TARS3: variants seen among roughly 807,000 people sequenced by gnomAD.
TARS3 encodes threonyl-tRNA synthetase 3, also known as threonine--tRNA ligase 2, cytoplasmic.
In TARS3, 94 loss-of-function variants were observed where a neutral mutation model predicts 103.5. That is an observed-to-expected ratio of 0.91 (90% CI 0.77 to 1.08). The LOEUF (loss-of-function observed/expected upper bound fraction) is 1.08, where lower values mean the gene tolerates loss of function less well. Among genes scored for constraint, TARS3 ranks in the 50% least tolerant of loss-of-function variants. The probability of loss-of-function intolerance (pLI) is 0.00; values close to 1 mark genes in which losing one functional copy is unlikely to be tolerated. For missense variants in TARS3, 952 were observed against 995.2 expected, an observed-to-expected ratio of 0.96 and a Z score of 0.58; for synonymous variants, 416 against 355.4, an observed-to-expected ratio of 1.17 and a Z score of -1.92.
intron 7 of TARS3, among the ~76,000 whole-genome samples, chr15:101,704,985 T>C (rs527566922): frequency 6.6e-6 from 1 of 152,290 alleles, no homozygotes; most frequent in South Asian, 2.1e-4. Flanking sequence ...AGAATATCTG[T>C]GGTTATAATT....
chr15:101,670,314 C>T (rs1005486332), intron 15 of TARS3, among the ~76,000 whole-genome samples: 20 of 152,076 alleles, frequency 1.3e-4, no homozygotes, highest in Non-Finnish European at 2.2e-4. Context: ...ATTCTCAAAA[C>T]TCAACAGTAA....
chr15:101,712,315 C>T (rs1019763946), intron 4 of TARS3, among the ~76,000 whole-genome samples: 1 of 152,152 alleles, frequency 6.6e-6, no homozygotes, highest in Non-Finnish European at 1.5e-5. Context: ...CTCAGAACAG[C>T]CAGCAGAGCA....
Position 101,661,702 on chromosome 15 carries a change from T to C in TARS3, c.2072+10A>G, listed in dbSNP as rs1290709170. ...ATAGACATATAGTTTTTCTTTTCCATATCACTTACCATTTTCCGCCATAGT... is the reference window on the plus strand; with the variant it reads ...ATAGACATATAGTTTTTCTTTTCCACATCACTTACCATTTTCCGCCATAGT... On this transcript the variant is annotated intron_variant, in intron 16 of 18. Coordinates refer to ENST00000335968, the MANE Select transcript of TARS3 (RefSeq NM_152334.3). 4 of 1,539,852 alleles carry C rather than the reference T, an allele frequency of 2.6e-6. No homozygotes were observed. Among genetic ancestry groups the C allele is most frequent in the Admixed American group, 3.5e-5 (2 of 57,954 alleles).
chr15:101,679,903 G>GC (rs1033575039), intron 12 of TARS3, among the ~76,000 whole-genome samples: 1 of 152,174 alleles, frequency 6.6e-6, no homozygotes, highest in African/African-American at 2.4e-5. Flanking sequence ...AGGTGTTCTA[G>GC]CCCCCCTCCA....
At chr15:101,712,143 C>A (rs905131222) in intron 4 of TARS3, 142 bp from the exon 5 acceptor site, 24 of 853,726 alleles carry the variant, frequency 2.8e-5, no homozygotes, top group Non-Finnish European at 3.9e-5. Context: ...AAAGGAAAAT[C>A]TTCGATGCCC....
chr15:101,703,564 T>C lies in TARS3; in HGVS notation c.1074+295A>G, dbSNP rs564286060. Reference sequence around the variant, plus strand: ...AAGATCACACCACTGCACTCCAGCCTGGACAACAGAGCAAGACTCTGTCTC... The same window carrying C: ...AAGATCACACCACTGCACTCCAGCCCGGACAACAGAGCAAGACTCTGTCTC... On this transcript the variant is annotated intron_variant, in intron 8 of 18. Transcript: ENST00000335968. 9.2e-5 allele frequency among the ~76,000 whole-genome samples: 14 copies of C among 152,044 alleles called. No individual in the cohort carries two copies. In the South Asian group the frequency reaches 2.9e-3, roughly 32 times the overall value.
chr15:101,676,022 G>T (rs558788285), intron 12 of TARS3, among the ~76,000 whole-genome samples: 3 of 152,334 alleles, frequency 2.0e-5, no homozygotes, highest in African/African-American at 4.8e-5. Flanking sequence ...AGACTGAGCT[G>T]CAGCAGGGGA....
intron 18 of TARS3, among the ~76,000 whole-genome samples, chr15:101,655,114 C>T (rs1897150962): frequency 6.7e-6 from 1 of 149,946 alleles, no homozygotes; most frequent in Non-Finnish European, 1.5e-5. Context: ...ACACTGACCC[C>T]ACCTGGCACT....
intron 13 of TARS3, among the ~76,000 whole-genome samples, chr15:101,673,579 A>G (rs1231937412): frequency 6.6e-6 from 1 of 152,200 alleles, no homozygotes; most frequent in Non-Finnish European, 1.5e-5. Context: ...ACTCATGGAG[A>G]TAAAGTACTT....
intron 18 of TARS3, among the ~76,000 whole-genome samples, chr15:101,655,032 A>C (rs897818401): frequency 6.6e-6 from 1 of 151,492 alleles, no homozygotes; most frequent in Admixed American, 6.6e-5. Context: ...GAGAGCGGGG[A>C]GCTCTTACAG....
At position 101,713,440 on chromosome 15, in the gene TARS3, T is replaced by A. The variant is rs939002224; in HGVS notation, c.690+1400A>T. Reference sequence around the variant, plus strand: ...ATTTACATTTACACACATCATTTGATAGCTCGATGGGAATGAATTTCAGGG... The same window carrying A: ...ATTTACATTTACACACATCATTTGAAAGCTCGATGGGAATGAATTTCAGGG... On this transcript the variant is annotated intron_variant, in intron 4 of 18. Coordinates refer to ENST00000335968, the MANE Select transcript of TARS3 (RefSeq NM_152334.3). Among the ~76,000 whole-genome samples the A allele has an allele frequency of 3.9e-5, 6 of 152,230 alleles. No homozygotes were observed. The South Asian group carries it at 1.2e-3, about 32-fold the overall frequency.
At chr15:101,690,260 T>G (rs1013099896) in intron 10 of TARS3, among the ~76,000 whole-genome samples, 1 of 152,262 alleles carries the variant, frequency 6.6e-6, no homozygotes, top group Non-Finnish European at 1.5e-5. Context: ...CAAAGCTGAC[T>G]TCTGTGGGCT....
chr15:101,722,301 A>G (rs1478079328), intron 2 of TARS3, among the ~76,000 whole-genome samples: 1 of 150,708 alleles, frequency 6.6e-6, no homozygotes, highest in Non-Finnish European at 1.5e-5. Flanking sequence ...GAACGTGTAC[A>G]GAGTCACACA....
At chr15:101,692,338 C>G in intron 10 of TARS3, among the ~76,000 whole-genome samples, 1 of 104,784 alleles carries the variant, frequency 9.5e-6, no homozygotes, top group Non-Finnish European at 2.0e-5. Flanking sequence ...CGGCTCCAAG[C>G]TCTCTGTGGG....
At chr15:101,666,707 C>T (rs558592065) in intron 15 of TARS3, among the ~76,000 whole-genome samples, 9 of 152,050 alleles carry the variant, frequency 5.9e-5, no homozygotes, top group Non-Finnish European at 8.8e-5. Flanking sequence ...CATCTTCAAC[C>T]GACCTGCTTT....
rs1313994047 is a variant in TARS3 at position 101,724,366 on chromosome 15, C to T, written c.22G>A (p.Ala8Thr). Residue 8 changes from alanine (A) to threonine (T), a missense_variant, in exon 1 of 19, where the codon GCG becomes ACG. Ala to Thr is a moderately conservative substitution (Grantham distance 58). Around this residue, in one of 2 missense-constraint regions of TARS3, gnomAD observed 412 missense variants for 364.2 expected, o/e 1.13. Transcript: ENST00000335968. MAAEALA[A>T]EAVASRLERQ... is the part of the protein sequence containing the mutation. Reference sequence around the variant, plus strand: ...TCCAGGCGCGACGCCACGGCCTCCGCCGCCAGGGCCTCGGCCGCCATCGCG... The same window carrying T: ...TCCAGGCGCGACGCCACGGCCTCCGTCGCCAGGGCCTCGGCCGCCATCGCG... 2 of 1,532,474 alleles carry T rather than the reference C, an allele frequency of 1.3e-6. No individual in the cohort carries two copies. The highest frequency in any genetic ancestry group is 5.2e-5 in the East Asian group (2 of 38,270). 94.9% of individuals were successfully genotyped at this position (1,532,474 alleles called of 1,614,324 possible).
chr15:101,675,773 A>G, intron 12 of TARS3, 36 bp from the exon 13 acceptor site: 1 of 1,579,792 alleles, frequency 6.3e-7, no homozygotes, highest in Non-Finnish European at 8.6e-7. Context: ...CAAATAGAAC[A>G]TCAAATTCAT....
In TARS3 at chr15:101,701,143, G is replaced by A. The variant is rs780085603; in HGVS notation, c.1263C>T (p.Ser421=). The A allele has an allele frequency of 1.3e-6, 2 of 1,598,670 alleles. No homozygotes were observed. Among genetic ancestry groups the A allele is most frequent in the South Asian group, 1.2e-5 (1 of 86,748 alleles). The change falls in exon 10 of 19, where the codon AGC becomes AGT. Residue 421 remains serine, a synonymous_variant. Coordinates refer to ENST00000335968, the MANE Select transcript of TARS3 (RefSeq NM_152334.3). ...LFFFHDLSPG[S]CFFLPRGAFI... ...AGGCTCCTCTGGGAAGGAAAAAACA[G>A]CTTCCAGGACTCAAATCGTGGAAAA...
intron 4 of TARS3, among the ~76,000 whole-genome samples, chr15:101,713,645 G>C (rs1426150939): frequency 6.6e-6 from 1 of 152,230 alleles, no homozygotes; most frequent in Non-Finnish European, 1.5e-5. Context: ...CCAAGGTTCT[G>C]GAATGAGCTA....
Sources: allele counts gnomAD v4.1 joint callset (sites outside exome capture counted in the v4.1 genomes callset), GRCh38; gene constraint gnomAD v4.1.1; regional missense constraint gnomAD v4.1.1; transcripts MANE v1.5; gene names NCBI Gene and HGNC (gene_info 2026-07-23, HGNC 2026-07-21).